Variants in COMMD2 observed in about 807,000 individuals in gnomAD.
COMMD2 encodes COMM domain-containing protein 2.
Under a neutral mutation model 22.5 loss-of-function variants are expected in COMMD2, and 25 were observed. That is an observed-to-expected ratio of 1.11 (90% CI 0.81 to 1.55). The LOEUF (loss-of-function observed/expected upper bound fraction) is 1.55, where lower values mean the gene tolerates loss of function less well. COMMD2 is among the 40% of genes most tolerant of loss of function. The pLI, the probability that COMMD2 is intolerant of heterozygous loss-of-function variation, is 0.00. For missense variants in COMMD2, 223 were observed against 232.9 expected (o/e 0.96, Z 0.28); for synonymous variants, 98 against 91.2 (o/e 1.07, Z -0.42).
In COMMD2 at chr3:149,741,602, G is replaced by C. The variant is rs139970043; in HGVS notation, c.519C>G (p.Leu173=). The change falls in exon 5 of 5, where the codon CTC becomes CTG. Residue 173 remains leucine (L), a synonymous_variant. Transcript: ENST00000473414. ...CTTGTTCCAGTTGTTGAACCAAATGGAGCAGGGTGGCTGGGTCTGTCTGCA... is the reference window on the plus strand; with the variant it reads ...CTTGTTCCAGTTGTTGAACCAAATGCAGCAGGGTGGCTGGGTCTGTCTGCA... ...KVLQTDPATL[L]HLVQQLEQAL... 3.1e-6 allele frequency: 5 copies of C among 1,614,036 alleles called. No homozygotes were observed. The South Asian group carries it at 4.4e-5, about 14-fold the overall frequency.
At chr3:149,750,628 C>A in intron 4 of COMMD2, 50 bp downstream of exon 4, 1 of 1,333,458 alleles carries the variant, frequency 7.5e-7, no homozygotes, top group Non-Finnish European at 1.0e-6. Context: ...GGACACAAAC[C>A]TAAAATAATT....
In COMMD2 at chr3:149,741,026, G is replaced by A. The variant is rs1716198345; in HGVS notation, c.*495C>T. ...GCACCAGGAAAGGAACTTTACTTTA[G>A]CTTCTGATTACTTTTTTATTTTTAT... On this transcript the variant is annotated 3_prime_UTR_variant, in exon 5 of 5. Transcript: ENST00000473414. 1.3e-5 allele frequency: 2 copies of A among 152,252 alleles called. No individual in the cohort carries two copies. Among genetic ancestry groups the A allele is most frequent in the African/African-American group, 2.4e-5 (1 of 41,340 alleles). The allele number at this position is 152,252 out of a possible 1,614,324, so 9.4% of individuals were successfully genotyped here.
At chr3:149,751,548 T>C (rs976908260) in intron 2 of COMMD2, 63 bp from the exon 3 acceptor site, 66 of 1,346,010 alleles carry the variant, frequency 4.9e-5, no homozygotes, top group Middle Eastern at 1.9e-4. Flanking sequence ...TTGTTCATAT[T>C]TGTATTTAAA....
At position 149,751,539 on chromosome 3, in the gene COMMD2, T is replaced by C. The variant is rs1262328616; in HGVS notation, c.146-54A>G. On this transcript the variant is annotated intron_variant, in intron 2 of 4. Transcript: ENST00000473414. Reference sequence around the variant, plus strand: ...TAAATTACTACTGTAGTATTTATCTTGTTCATATTTGTATTTAAAAATAAA... The same window carrying C: ...TAAATTACTACTGTAGTATTTATCTCGTTCATATTTGTATTTAAAAATAAA... 5.9e-6 allele frequency: 8 copies of C among 1,353,268 alleles called. No homozygotes were observed. In the South Asian group the frequency reaches 6.0e-5, roughly 10 times the overall value. 83.8% of individuals were successfully genotyped at this position (1,353,268 alleles called of 1,614,324 possible).
At chr3:149,746,988 G>T (rs1160343713) in intron 4 of COMMD2, among the ~76,000 whole-genome samples, 1 of 152,120 alleles carries the variant, frequency 6.6e-6, no homozygotes, top group Non-Finnish European at 1.5e-5. Context: ...ACAGCATGGG[G>T]AAAACTGCTC....
At chr3:149,742,955 G>A (rs1716274025) in intron 4 of COMMD2, among the ~76,000 whole-genome samples, 1 of 127,644 alleles carries the variant, frequency 7.8e-6, no homozygotes, top group African/African-American at 3.1e-5. Flanking sequence ...AACAGAGTGA[G>A]ACTCTATCTC....
Position 149,741,285 on chromosome 3 carries a change from C to T in COMMD2, c.*236G>A. The T allele has an allele frequency of 2.3e-6, 1 of 428,358 alleles. No individual in the cohort carries two copies. The highest frequency in any genetic ancestry group is 2.6e-5 in the South Asian group (1 of 38,482). 26.5% of individuals were successfully genotyped at this position (428,358 alleles called of 1,614,324 possible). On this transcript the variant is annotated 3_prime_UTR_variant, in exon 5 of 5. Transcript: ENST00000473414. ...GTTTCACCATGTTAGCCAGGAAGGTCTCAATCTCCTGACCTCATGATTTGC... is the reference window on the plus strand; with the variant it reads ...GTTTCACCATGTTAGCCAGGAAGGTTTCAATCTCCTGACCTCATGATTTGC...
Position 149,741,679 on chromosome 3 carries a change from C to T in COMMD2, c.442G>A (p.Val148Met), listed in dbSNP as rs148182261. 4.4e-3 allele frequency: 7,122 copies of T among 1,613,928 alleles called. 17 individuals are homozygous for T. The highest frequency in any genetic ancestry group is 5.3e-3 in the Non-Finnish European group (6,277 of 1,179,944). Reference sequence around the variant, plus strand: ...TGATTAAGGTGTAGCTTTATAGTCACTGCTGGTTTAATCTGTTGCCTGAGA... The same window carrying T: ...TGATTAAGGTGTAGCTTTATAGTCATTGCTGGTTTAATCTGTTGCCTGAGA... ...RSLRQQIKPA[V>M]TIKLHLNQNG... Residue 148 changes from valine to methionine, a missense_variant, in exon 5 of 5, where the codon GTG (valine) becomes ATG (methionine). Transcript: ENST00000473414.
At chr3:149,750,516 TAAAAG>T (rs1310105866) in intron 4 of COMMD2, 157 bp downstream of exon 4, 3 of 531,890 alleles carry the variant, frequency 5.6e-6, no homozygotes, top group Non-Finnish European at 9.9e-6. Flanking sequence ...ACACTGAAAA[TAAAAG>T]AAAATGAATG....
intron 4 of COMMD2, among the ~76,000 whole-genome samples, chr3:149,743,042 T>C (rs1248032062): frequency 6.6e-6 from 1 of 151,700 alleles, no homozygotes; most frequent in Non-Finnish European, 1.5e-5. Context: ...TTCCTTCAGG[T>C]GGCTGGGAGA....
At chr3:149,748,645 G>C (rs1389311423) in intron 4 of COMMD2, among the ~76,000 whole-genome samples, 1 of 152,198 alleles carries the variant, frequency 6.6e-6, no homozygotes, top group Non-Finnish European at 1.5e-5. Flanking sequence ...AATATTTTAG[G>C]CTTTACAGAC....
In COMMD2 at chr3:149,739,923, G is replaced by C. The variant is rs1420016833; in HGVS notation, c.*1598C>G. ...AGGGACCAATGGGTAACCATCTCAA[G>C]TATGTTTTTCTTCCACTAGCCTATT... On this transcript the variant is annotated 3_prime_UTR_variant, in exon 5 of 5. Coordinates refer to ENST00000473414, the MANE Select transcript of COMMD2 (RefSeq NM_016094.4). 1 of 152,176 alleles carries C rather than the reference G, an allele frequency of 6.6e-6. No homozygotes were observed. Among genetic ancestry groups the C allele is most frequent in the Non-Finnish European group, 1.5e-5 (1 of 68,028 alleles). 9.4% of individuals were successfully genotyped at this position (152,176 alleles called of 1,614,324 possible).
chr3:149,750,477 C>G, intron 4 of COMMD2: 1 of 550,514 alleles, frequency 1.8e-6, no homozygotes, highest in Non-Finnish European at 3.3e-6. Context: ...CAATTTCTTA[C>G]AAACTTTGCA....
intron 4 of COMMD2, among the ~76,000 whole-genome samples, chr3:149,748,998 T>C (rs1346122673): frequency 1.3e-5 from 2 of 152,160 alleles, no homozygotes; most frequent in African/African-American, 4.8e-5. Flanking sequence ...GATTGTTTTT[T>C]AATGTTACTG....
chr3:149,744,698 C>G (rs1716320701), intron 4 of COMMD2, among the ~76,000 whole-genome samples: 1 of 152,326 alleles, frequency 6.6e-6, no homozygotes. Context: ...CTAGTCTTAT[C>G]TGATATGCAT....
At chr3:149,752,048 C>T (rs111677174) in intron 2 of COMMD2, 162 bp downstream of exon 2, 492 of 582,386 alleles carry the variant, frequency 8.4e-4, no homozygotes, top group Non-Finnish European at 1.2e-3. Flanking sequence ...ACTTAAGGGA[C>T]GGGCAGGATT....
At position 149,741,581 on chromosome 3, in the gene COMMD2, T is replaced by C. The variant is rs1245585859; in HGVS notation, c.540A>G (p.Glu180=). ...TTGTCTTCATCTCTTCCAATGCTTG[T>C]TCCAGTTGTTGAACCAAATGGAGCA... ...ATLLHLVQQL[E]QALEEMKTNH... Residue 180 remains glutamate (E), a synonymous_variant, in exon 5 of 5, where the codon GAA becomes GAG. Transcript: ENST00000473414. 16 of 1,614,128 alleles carry C rather than the reference T, an allele frequency of 9.9e-6. No individual in the cohort carries two copies. Among genetic ancestry groups the C allele is most frequent in the East Asian group, 2.2e-5 (1 of 44,876 alleles).
chr3:149,749,630 G>A (rs1369173322), intron 4 of COMMD2, among the ~76,000 whole-genome samples: 2 of 152,136 alleles, frequency 1.3e-5, no homozygotes, highest in Non-Finnish European at 2.9e-5. Context: ...ATATTCATAT[G>A]CTCATTTGCA....
At position 149,741,012 on chromosome 3, in the gene COMMD2, G is replaced by A. The variant is rs1037511088; in HGVS notation, c.*509C>T. On this transcript the variant is annotated 3_prime_UTR_variant, in exon 5 of 5. Coordinates refer to ENST00000473414, the MANE Select transcript of COMMD2 (RefSeq NM_016094.4). ...GAAGACCACAGTTAGCACCAGGAAA[G>A]GAACTTTACTTTAGCTTCTGATTAC... The A allele has an allele frequency of 6.6e-6, 1 of 152,358 alleles. No homozygotes were observed. Among genetic ancestry groups the A allele is most frequent in the Admixed American group, 6.6e-5 (1 of 15,246 alleles). The allele number at this position is 152,358 out of a possible 1,614,324, so 9.4% of individuals were successfully genotyped here.
Sources: gnomAD v4.1 joint callset for allele counts (sites outside exome capture counted in the v4.1 genomes callset) on GRCh38, gnomAD v4.1.1 for gene constraint, MANE v1.5 for transcripts, NCBI Gene and HGNC (gene_info 2026-07-23, HGNC 2026-07-21) for gene names.